Variants in HDAC9 observed in about 807,000 individuals in gnomAD.
HDAC9 encodes histone deacetylase 9.
A neutral mutation model predicts 139.4 loss-of-function variants in HDAC9; 41 were observed. The ratio of observed to expected loss-of-function variants is 0.29; its 90% CI spans 0.23 to 0.38. The LOEUF (loss-of-function observed/expected upper bound fraction) is 0.38. Ranked by LOEUF, HDAC9 falls within the 10% of genes least tolerant of loss-of-function variation. HDAC9 has a pLI of 1.00. For missense variants in HDAC9, 1,147 were observed against 1,297.0 expected (o/e 0.88, Z 1.78); for synonymous variants, 517 against 476.2 (o/e 1.09, Z -1.12).
intron 24 of HDAC9, among the ~76,000 whole-genome samples, chr7:18,959,616 T>A (rs1480172170): frequency 6.6e-6 from 1 of 152,134 alleles, no homozygotes; most frequent in Non-Finnish European, 1.5e-5. Flanking sequence ...TCCACAACCA[T>A]GTGACAATGA....
chr7:18,642,633 G>GA (rs1462951201), intron 8 of HDAC9, among the ~76,000 whole-genome samples: 1 of 152,046 alleles, frequency 6.6e-6, no homozygotes, highest in Non-Finnish European at 1.5e-5. Context: ...ACTGCCAGAG[G>GA]AAATGGAGCC....
chr7:18,956,610 A>T (rs1381186067), intron 24 of HDAC9, among the ~76,000 whole-genome samples: 2 of 152,134 alleles, frequency 1.3e-5, no homozygotes, highest in African/African-American at 4.8e-5. Context: ...TGTAGTGGAC[A>T]CTGATTTTGG....
intron 6 of HDAC9, among the ~76,000 whole-genome samples, chr7:18,611,216 G>A (rs982087071): frequency 7.9e-5 from 12 of 152,030 alleles, no homozygotes; most frequent in African/African-American, 2.9e-4. Context: ...ACCACACTGT[G>A]TTTTTCCATA....
At chr7:18,620,588 A>G (rs1839952447) in intron 6 of HDAC9, among the ~76,000 whole-genome samples, 1 of 151,820 alleles carries the variant, frequency 6.6e-6, no homozygotes, top group South Asian at 2.1e-4. Context: ...CACTCCGTAA[A>G]CTTTTACTGA....
rs966779148 is a variant in HDAC9 at position 18,758,608 on chromosome 7, A to G, written c.2044-3549A>G. On this transcript the variant is annotated intron_variant, in intron 14 of 25. Coordinates refer to ENST00000686413, the MANE Select transcript of HDAC9 (RefSeq NM_178425.4). ...AAGTTGAATGTGACAAATTTAAGGC[A>G]TTTATACAAGTGAGGCAAAACGGAA... is the stretch of plus-strand genomic sequence containing the variant. Among the ~76,000 whole-genome samples the G allele has an allele frequency of 2.6e-5, 4 of 152,212 alleles. No homozygotes were observed. The South Asian group carries it at 8.3e-4, about 31-fold the overall frequency.
chr7:18,916,022 G>GGAAAAAAAA (rs1491394538), intron 22 of HDAC9, among the ~76,000 whole-genome samples: 3 of 138,122 alleles, frequency 2.2e-5, no homozygotes, highest in Non-Finnish European at 4.7e-5. Context: ...CCCCCCGCTG[G>GGAAAAAAAA]AAAAAAAAAA....
At chr7:18,143,488 T>C (rs1786060940) in intron 1 of HDAC9, among the ~76,000 whole-genome samples, 1 of 152,176 alleles carries the variant, frequency 6.6e-6, no homozygotes, top group African/African-American at 2.4e-5. Flanking sequence ...GAATTGCTGC[T>C]ATGATCAAGT....
intron 2 of HDAC9, among the ~76,000 whole-genome samples, chr7:18,575,388 T>G (rs1243483690): frequency 6.6e-6 from 1 of 152,258 alleles, no homozygotes; most frequent in African/African-American, 2.4e-5. Context: ...AGTTCTGGTG[T>G]AATTTTCAGT....
In HDAC9 at chr7:18,651,166, T is replaced by G. The variant is rs555342169; in HGVS notation, c.1467+2483T>G. Among the ~76,000 whole-genome samples the G allele has an allele frequency of 2.0e-5, 3 of 152,162 alleles. No homozygotes were observed. In the East Asian group the frequency reaches 5.8e-4, roughly 29 times the overall value. ...CTTAGATGCCCAAAGCTAACATGTT[T>G]CTGTATAATATATTGCTGTATACTT... On this transcript the variant is annotated intron_variant, in intron 11 of 25. Coordinates refer to ENST00000686413, the MANE Select transcript of HDAC9 (RefSeq NM_178425.4).
chr7:18,690,213 G>A (rs1782574716), intron 12 of HDAC9, among the ~76,000 whole-genome samples: 1 of 152,024 alleles, frequency 6.6e-6, no homozygotes, highest in Non-Finnish European at 1.5e-5. Flanking sequence ...AGTGTTAGAT[G>A]TGAACTTTGA....
At chr7:18,832,058 C>G (rs530336584) in intron 19 of HDAC9, among the ~76,000 whole-genome samples, 1 of 152,254 alleles carries the variant, frequency 6.6e-6, no homozygotes, top group East Asian at 1.9e-4. Context: ...TCATTTATTC[C>G]ATGTTCCTTT....
At chr7:18,819,113 C>CAAGAGAA (rs1562962817) in intron 17 of HDAC9, among the ~76,000 whole-genome samples, 4 of 152,046 alleles carry the variant, frequency 2.6e-5, no homozygotes, top group African/African-American at 9.7e-5. Flanking sequence ...AACTCTGTCT[C>CAAGAGAA]TACTAAAAAT....
At chr7:18,720,643 G>T (rs571184800) in intron 12 of HDAC9, among the ~76,000 whole-genome samples, 1 of 149,304 alleles carries the variant, frequency 6.7e-6, no homozygotes, top group Non-Finnish European at 1.5e-5. Flanking sequence ...AAAAAAATGT[G>T]TTACCAAACG....
chr7:18,758,369 T>G (rs988755612), intron 14 of HDAC9, among the ~76,000 whole-genome samples: 2 of 152,166 alleles, frequency 1.3e-5, no homozygotes, highest in African/African-American at 2.4e-5. Context: ...ATCAGAAAAC[T>G]TTAGCCTATT....
At chr7:18,444,751 TA>T (rs553615649) in intron 1 of HDAC9, among the ~76,000 whole-genome samples, 33 of 152,298 alleles carry the variant, frequency 2.2e-4, no homozygotes, top group Admixed American at 1.8e-3. Context: ...CACCAGAATA[TA>T]AATTTTCGCA....
intron 17 of HDAC9, among the ~76,000 whole-genome samples, chr7:18,812,130 T>C (rs985364752): frequency 6.6e-6 from 1 of 151,924 alleles, no homozygotes; most frequent in Non-Finnish European, 1.5e-5. Flanking sequence ...TGCTTTTTTA[T>C]TTTTTCTAAA....
Position 18,127,262 on chromosome 7 carries a change from T to C in HDAC9, c.-96-34967T>C, listed in dbSNP as rs569032245. 5 of 170,322 alleles carry C rather than the reference T, an allele frequency of 2.9e-5. No homozygotes were observed. In the South Asian group the frequency reaches 1.0e-3, roughly 35 times the overall value. The allele number at this position is 170,322 out of a possible 1,614,324, so 10.6% of individuals were successfully genotyped here. A position where few individuals can be genotyped will look rare whatever the true frequency, so the allele number is the denominator to read the frequency against. ...AGCATAAGTATGTCCCAAATATTGTTGTCCTAAATATTGTGTGGGCCATAC... is the reference window on the plus strand; with the variant it reads ...AGCATAAGTATGTCCCAAATATTGTCGTCCTAAATATTGTGTGGGCCATAC... On this transcript the variant is annotated intron_variant, in intron 1 of 12. Transcript: ENST00000417496.
chr7:18,320,759 A>G (rs1046038856), intron 1 of HDAC9, among the ~76,000 whole-genome samples: 26 of 151,920 alleles, frequency 1.7e-4, no homozygotes, highest in Non-Finnish European at 3.4e-4. Context: ...CTCCTTGGAC[A>G]CCCCCCACCC....
intron 2 of HDAC9, among the ~76,000 whole-genome samples, chr7:18,274,386 A>T (rs1158390370): frequency 1.3e-5 from 2 of 152,146 alleles, no homozygotes; most frequent in Non-Finnish European, 2.9e-5. Flanking sequence ...AATGCAAGAG[A>T]GCAAATCAGA....
Sources: allele counts gnomAD v4.1 joint callset (sites outside exome capture counted in the v4.1 genomes callset), GRCh38; gene constraint gnomAD v4.1.1; transcripts MANE v1.5; gene names NCBI Gene and HGNC (gene_info 2026-07-23, HGNC 2026-07-21).